Variants in KLF12 observed in about 807,000 individuals in gnomAD.
KLF12 encodes the protein KLF transcription factor 12.
A neutral mutation model predicts 37.8 loss-of-function variants in KLF12; 9 were observed. The ratio of observed to expected loss-of-function variants is 0.24; its 90% CI spans 0.14 to 0.42. The LOEUF (loss-of-function observed/expected upper bound fraction) is 0.42. Among genes scored for constraint, KLF12 ranks in the 10% least tolerant of loss-of-function variants. The pLI is 1.00. For synonymous variants in KLF12, 208 were observed against 202.1 expected, an observed-to-expected ratio of 1.03 and a Z score of -0.25; for missense variants, 411 against 516.0, an observed-to-expected ratio of 0.80 and a Z score of 1.97.
At chr13:74,153,260 G>A in the KLF12 span, among the ~76,000 whole-genome samples, 2 of 152,118 alleles carry the variant, frequency 1.3e-5, no homozygotes, top group African/African-American at 4.8e-5. Flanking sequence ...GTCAATTTAA[G>A]GTTTCAAATC....
chr13:74,021,015 G>A (rs960563910), intron 1 of KLF12, among the ~76,000 whole-genome samples: 9 of 152,070 alleles, frequency 5.9e-5, no homozygotes, highest in East Asian at 1.9e-4. Context: ...ACCCCTCGAC[G>A]TCTGCTACTA....
intron 1 of KLF12, among the ~76,000 whole-genome samples, chr13:74,090,344 T>G (rs1875575858): frequency 6.6e-6 from 1 of 152,116 alleles, no homozygotes; most frequent in Non-Finnish European, 1.5e-5. Context: ...TCAAGATTGT[T>G]AAAATGTCAC....
At chr13:73,701,353 G>A (rs1358262931) in intron 7 of KLF12, among the ~76,000 whole-genome samples, 5 of 152,152 alleles carry the variant, frequency 3.3e-5, no homozygotes, top group African/African-American at 1.2e-4. Context: ...CACATAAGAG[G>A]AATGTGCAAA....
chr13:73,797,007 G>A (rs999361021), intron 5 of KLF12, among the ~76,000 whole-genome samples: 9 of 152,176 alleles, frequency 5.9e-5, no homozygotes, highest in African/African-American at 1.9e-4. Context: ...CTGTCTAGGG[G>A]TTTGGAGGAA....
At chr13:74,125,627 C>T (rs1205846682) in intron 1 of KLF12, among the ~76,000 whole-genome samples, 1 of 152,214 alleles carries the variant, frequency 6.6e-6, no homozygotes, top group African/African-American at 2.4e-5. Flanking sequence ...CTACTATTAC[C>T]ACTGCTGCAG....
chr13:73,931,783 T>C (rs887356101), intron 3 of KLF12, among the ~76,000 whole-genome samples: 2 of 150,996 alleles, frequency 1.3e-5, no homozygotes, highest in African/African-American at 4.9e-5. Context: ...CCTGCACTGT[T>C]TATAGAAAAT....
intron 1 of KLF12, among the ~76,000 whole-genome samples, chr13:74,081,854 A>AC (rs1874906460): frequency 6.6e-6 from 1 of 152,148 alleles, no homozygotes; most frequent in Non-Finnish European, 1.5e-5. Context: ...AACTACGTAG[A>AC]CAACTATAGT....
At chr13:73,799,534 G>A (rs1882174985) in intron 5 of KLF12, among the ~76,000 whole-genome samples, 2 of 151,832 alleles carry the variant, frequency 1.3e-5, no homozygotes, top group African/African-American at 4.8e-5. Context: ...CAATTTTACT[G>A]GCTACTCTCT....
chr13:73,867,446 CAT>C (rs1295012949), intron 3 of KLF12, among the ~76,000 whole-genome samples: 2 of 151,130 alleles, frequency 1.3e-5, no homozygotes, highest in African/African-American at 4.9e-5. Context: ...ATACATATGA[CAT>C]ATATATGTCA....
upstream of KLF12, among the ~76,000 whole-genome samples, chr13:74,138,776 A>G (rs972451905): frequency 6.6e-6 from 1 of 152,058 alleles, no homozygotes; most frequent in Non-Finnish European, 1.5e-5. Flanking sequence ...ACATGCACTA[A>G]TTATAACATA....
intron 3 of KLF12, among the ~76,000 whole-genome samples, chr13:73,900,261 T>C (rs936023420): frequency 1.3e-5 from 2 of 152,170 alleles, no homozygotes; most frequent in Non-Finnish European, 2.9e-5. Context: ...CTAGAGTAGA[T>C]GAGAGTTGGT....
chr13:74,038,849 C>G (rs1374019803), intron 1 of KLF12, among the ~76,000 whole-genome samples: 2 of 151,694 alleles, frequency 1.3e-5, no homozygotes, highest in Non-Finnish European at 2.9e-5. Context: ...TAAAATTGTT[C>G]AAGCTAAATT....
chr13:74,084,316 A>G (rs1303900457), intron 1 of KLF12, among the ~76,000 whole-genome samples: 1 of 152,190 alleles, frequency 6.6e-6, no homozygotes, highest in Non-Finnish European at 1.5e-5. Context: ...TCCTCACTCT[A>G]TTACAAATGC....
At chr13:74,072,930 A>G (rs903991632) in intron 1 of KLF12, among the ~76,000 whole-genome samples, 58 of 152,268 alleles carry the variant, frequency 3.8e-4, no homozygotes, top group African/African-American at 1.3e-3. Context: ...AGTTCCCATG[A>G]TCCCCACATG....
chr13:73,864,382 A>T (rs995515169), intron 3 of KLF12, among the ~76,000 whole-genome samples: 1 of 152,084 alleles, frequency 6.6e-6, no homozygotes, highest in Non-Finnish European at 1.5e-5. Context: ...CTCAGTGCTG[A>T]TCAGTAGATG....
At chr13:74,012,441 T>C (rs538598615) in intron 1 of KLF12, among the ~76,000 whole-genome samples, 1 of 152,214 alleles carries the variant, frequency 6.6e-6, no homozygotes, top group Non-Finnish European at 1.5e-5. Flanking sequence ...GGGCTGCTTT[T>C]TTAAATTGAT....
chr13:74,146,284 T>C, the KLF12 span, among the ~76,000 whole-genome samples: 3 of 152,234 alleles, frequency 2.0e-5, no homozygotes, highest in African/African-American at 7.2e-5. Flanking sequence ...TTCCATGTTG[T>C]TGACCTTCAC....
the KLF12 span, among the ~76,000 whole-genome samples, chr13:74,304,206 A>G: frequency 2.5e-3 from 377 of 152,308 alleles, no homozygotes; most frequent in Non-Finnish European, 4.3e-3. Context: ...AAAATTCTGT[A>G]TCAGAAACCA....
At position 73,781,806 on chromosome 13, in the gene KLF12, T is replaced by A. The variant is rs557275399; in HGVS notation, c.807-16806A>T. ...CAAAGCACAGGCCTAAAAAACTGCC[T>A]ATTACCAAGCAGTAAAATAGAAATG... is the stretch of plus-strand genomic sequence containing the variant. On this transcript the variant is annotated intron_variant, in intron 5 of 7. Coordinates refer to ENST00000377669, the MANE Select transcript of KLF12 (RefSeq NM_007249.5). Among the ~76,000 whole-genome samples, 7 of 152,194 alleles carry A rather than the reference T, an allele frequency of 4.6e-5. No homozygotes were observed. In the East Asian group the frequency reaches 1.4e-3, roughly 29 times the overall value.
Sources: gnomAD v4.1 joint callset for allele counts (sites outside exome capture counted in the v4.1 genomes callset) on GRCh38, gnomAD v4.1.1 for gene constraint, MANE v1.5 for transcripts, NCBI Gene and HGNC (gene_info 2026-07-23, HGNC 2026-07-21) for gene names.